Variants in OCA2 observed in about 807,000 individuals in gnomAD.
The protein encoded by OCA2 is OCA2 melanosomal transmembrane protein, also known as P protein.
Under a neutral mutation model 100.2 loss-of-function variants are expected in OCA2, and 77 were observed. The observed-to-expected ratio is 0.77, with a 90% CI of 0.64 to 0.93. The LOEUF (loss-of-function observed/expected upper bound fraction) is 0.93. OCA2 is among the 40% of genes least tolerant of loss of function. The probability of loss-of-function intolerance (pLI) is 0.00; values close to 1 mark genes in which losing one functional copy is unlikely to be tolerated. For synonymous variants in OCA2, 432 were observed against 439.2 expected (o/e 0.98, Z 0.21); for missense variants, 1,062 against 1,089.1 (o/e 0.98, Z 0.35).
chr15:27,831,284 CAAAAAAA>C (rs71132824), intron 23 of OCA2, among the ~76,000 whole-genome samples: 1 of 62,618 alleles, frequency 1.6e-5, no homozygotes, highest in African/African-American at 6.4e-5. Context: ...GACTCCGTCT[CAAAAAAA>C]AAAAAAAAAA....
intron 2 of OCA2, among the ~76,000 whole-genome samples, chr15:28,037,320 G>A (rs554514764): frequency 3.2e-4 from 49 of 152,176 alleles, no homozygotes; most frequent in African/African-American, 1.2e-3. Flanking sequence ...TCTGTAACAG[G>A]AAGGACCCCA....
At chr15:28,025,892 T>C (rs2042733805) in intron 4 of OCA2, among the ~76,000 whole-genome samples, 1 of 152,278 alleles carries the variant, frequency 6.6e-6, no homozygotes, top group African/African-American at 2.4e-5. Context: ...GAAAACCTTC[T>C]TTCTGATCCT....
chr15:28,042,822 C>A (rs190198050), intron 2 of OCA2, among the ~76,000 whole-genome samples: 192 of 152,168 alleles, frequency 1.3e-3, no homozygotes, highest in African/African-American at 4.3e-3. Flanking sequence ...AGAATGCAGT[C>A]TTTACAAGTG....
chr15:27,934,591 A>G (rs1047881256), intron 18 of OCA2, among the ~76,000 whole-genome samples: 2 of 152,234 alleles, frequency 1.3e-5, no homozygotes, highest in Admixed American at 6.5e-5. Context: ...AGCAATAAGA[A>G]GCTCTCTCTA....
At chr15:27,829,723 C>T (rs1285835841) in intron 23 of OCA2, among the ~76,000 whole-genome samples, 6 of 152,208 alleles carry the variant, frequency 3.9e-5, no homozygotes, top group Admixed American at 2.0e-4. Context: ...CTCAGCATCG[C>T]TAATCTACAG....
intron 2 of OCA2, among the ~76,000 whole-genome samples, chr15:28,041,071 G>T: frequency 6.6e-6 from 1 of 152,094 alleles, no homozygotes; most frequent in African/African-American, 2.4e-5. Flanking sequence ...ACTACAAACC[G>T]ATATTCCTGG....
intron 23 of OCA2, among the ~76,000 whole-genome samples, chr15:27,840,847 T>C (rs2035315106): frequency 6.6e-6 from 1 of 152,248 alleles, no homozygotes; most frequent in African/African-American, 2.4e-5. Flanking sequence ...GAGATAATCT[T>C]TGAAAAACAT....
At chr15:27,890,380 C>T (rs973899328) in intron 19 of OCA2, among the ~76,000 whole-genome samples, 3 of 152,254 alleles carry the variant, frequency 2.0e-5, no homozygotes, top group South Asian at 2.1e-4. Context: ...CAGGATAACA[C>T]GATGAACCCA....
intron 15 of OCA2, among the ~76,000 whole-genome samples, chr15:27,963,339 AT>A (rs767189540): frequency 3.3e-5 from 5 of 152,300 alleles, no homozygotes; most frequent in Admixed American, 6.5e-5. Flanking sequence ...ATACGTTTTC[AT>A]TTCTAGTGCA....
intron 23 of OCA2, among the ~76,000 whole-genome samples, chr15:27,825,210 C>T (rs532591866): frequency 6.6e-6 from 1 of 152,180 alleles, no homozygotes; most frequent in Admixed American, 6.5e-5. Context: ...CGGAGGAGGG[C>T]AGCCCGCTGT....
At chr15:28,081,336 G>C (rs1370137291) in intron 2 of OCA2, among the ~76,000 whole-genome samples, 1 of 152,066 alleles carries the variant, frequency 6.6e-6, no homozygotes, top group African/African-American at 2.4e-5. Flanking sequence ...TAGAAATAAG[G>C]CATGCCCTCA....
chr15:27,811,640 T>C (rs2034081586), intron 23 of OCA2, among the ~76,000 whole-genome samples: 1 of 152,136 alleles, frequency 6.6e-6, no homozygotes, highest in Non-Finnish European at 1.5e-5. Flanking sequence ...TGTTTCAGAG[T>C]GTGATAAAGG....
At chr15:27,770,915 C>CTCCCTCCCTGTTTTTTCTTCCTTCCT (rs1555403550) in intron 23 of OCA2, among the ~76,000 whole-genome samples, 2 of 111,390 alleles carry the variant, frequency 1.8e-5, no homozygotes, top group Non-Finnish European at 3.5e-5. Flanking sequence ...TCCTTCCCTC[C>CTCCCTCCCTGTTTTTTCTTCCTTCCT]TCCCTCCCTC....
intron 9 of OCA2, among the ~76,000 whole-genome samples, chr15:28,013,453 G>A (rs538058618): frequency 6.6e-6 from 1 of 152,284 alleles, no homozygotes; most frequent in African/African-American, 2.4e-5. Flanking sequence ...GTGTTCTGCT[G>A]TATTACCTGC....
chr15:28,004,432 G>C (rs1261958599), intron 9 of OCA2, among the ~76,000 whole-genome samples: 3 of 152,184 alleles, frequency 2.0e-5, no homozygotes, highest in African/African-American at 7.2e-5. Flanking sequence ...GGCTGCAGGG[G>C]AGCCTGCGGG....
intron 2 of OCA2, among the ~76,000 whole-genome samples, chr15:28,044,497 C>A (rs1448818015): frequency 6.6e-6 from 1 of 152,202 alleles, no homozygotes; most frequent in Non-Finnish European, 1.5e-5. Flanking sequence ...AGACTCGTCA[C>A]AGTGAATAAT....
intron 23 of OCA2, among the ~76,000 whole-genome samples, chr15:27,816,518 G>A (rs1374777893): frequency 9.2e-5 from 14 of 152,148 alleles, no homozygotes; most frequent in Admixed American, 8.5e-4. Context: ...ATTTCTCAGC[G>A]CCCCAGCTCC....
chr15:27,818,161 G>A (rs1367168030), intron 23 of OCA2, among the ~76,000 whole-genome samples: 12 of 152,254 alleles, frequency 7.9e-5, no homozygotes, highest in Middle Eastern at 3.4e-3. Context: ...AGACTGAGGC[G>A]GGTAGATCAC....
chr15:28,081,148 C>T lies in OCA2; in HGVS notation c.227+500G>A, dbSNP rs111580193. On this transcript the variant is annotated intron_variant, in intron 2 of 23. Transcript: ENST00000354638. ...ACTATTGGGTACCATGCTGACTACCCGGGTGATCAGTCGTACCCCAAACCT... is the reference window on the plus strand; with the variant it reads ...ACTATTGGGTACCATGCTGACTACCTGGGTGATCAGTCGTACCCCAAACCT... Among the ~76,000 whole-genome samples, 655 of 152,160 alleles carry T rather than the reference C, an allele frequency of 4.3e-3. 8 individuals carry two copies. The highest frequency in any genetic ancestry group is 0.015 in the African/African-American group (632 of 41,502).
Sources: gnomAD v4.1 joint callset for allele counts (sites outside exome capture counted in the v4.1 genomes callset) on GRCh38, gnomAD v4.1.1 for gene constraint, MANE v1.5 for transcripts, NCBI Gene and HGNC (gene_info 2026-07-23, HGNC 2026-07-21) for gene names.